Variants in TENM1 observed in about 807,000 individuals in gnomAD.
TENM1 encodes teneurin transmembrane protein 1.
TENM1 carries 35 observed loss-of-function variants against 174.8 expected under a neutral mutation model. The observed-to-expected ratio is 0.20, with a 90% confidence interval of 0.15 to 0.27. The LOEUF (loss-of-function observed/expected upper bound fraction) is 0.27. TENM1 is among the 10% of genes least tolerant of loss of function. The pLI is 1.00. For synonymous variants in TENM1, 781 were observed against 798.7 expected, an observed-to-expected ratio of 0.98 and a Z score of 0.37; for missense variants, 1,633 against 2,130.1, an observed-to-expected ratio of 0.77 and a Z score of 4.59.
intron 23 of TENM1, among the ~76,000 whole-genome samples, chrX:124,444,476 G>A (rs925771728): frequency 1.1e-4 from 12 of 111,823 alleles, no homozygotes; most frequent in Non-Finnish European, 1.3e-4. Context: ...TATTTCTTTA[G>A]CATTTTGCAA....
At chrX:124,860,268 A>C (rs889126795) in intron 3 of TENM1, among the ~76,000 whole-genome samples, 1 of 112,086 alleles carries the variant, frequency 8.9e-6, no homozygotes, top group Non-Finnish European at 1.9e-5. Context: ...TCAACTGAGC[A>C]CTTAACCCAC....
chrX:124,580,456 A>C (rs2049276510), intron 11 of TENM1, among the ~76,000 whole-genome samples: 1 of 109,971 alleles, frequency 9.1e-6, no homozygotes, highest in African/African-American at 3.3e-5. Flanking sequence ...ATATACATGT[A>C]TATATGTATG....
At chrX:124,900,971 T>G (rs2147599737) in intron 1 of TENM1, among the ~76,000 whole-genome samples, 1 of 110,241 alleles carries the variant, frequency 9.1e-6, no homozygotes, top group South Asian at 4.0e-4. Context: ...TTTGTATTTT[T>G]AGTAGAGACG....
chrX:124,931,522 A>G (rs1251047778), intron 1 of TENM1, among the ~76,000 whole-genome samples: 2 of 111,385 alleles, frequency 1.8e-5, no homozygotes, highest in African/African-American at 3.3e-5. Flanking sequence ...AAAACGCCCA[A>G]GAAAAGGGTA....
the TENM1 span, chrX:125,203,660 C>T: frequency 1.8e-5 from 2 of 113,152 alleles, no homozygotes; most frequent in East Asian, 5.7e-4. Context: ...AGAGCGGACT[C>T]AACCGGCCGC....
intron 6 of TENM1, among the ~76,000 whole-genome samples, chrX:124,654,789 C>T (rs2051398616): frequency 9.0e-6 from 1 of 111,289 alleles, no homozygotes; most frequent in African/African-American, 3.3e-5. Flanking sequence ...AAAGGCTAAT[C>T]TTGAGGCAGA....
Position 124,887,750 on chromosome X carries a change from T to C in TENM1, c.535+6546A>G, listed in dbSNP as rs2057413760. On this transcript the variant is annotated intron_variant, in intron 3 of 31. Coordinates refer to ENST00000422452, the Ensembl canonical transcript of TENM1. ...AGTGTAACATCTCCAAAGGAGCTGTTACAGAGTCAACTGCACTGTCTCACA... is the reference window on the plus strand; with the variant it reads ...AGTGTAACATCTCCAAAGGAGCTGTCACAGAGTCAACTGCACTGTCTCACA... Among the ~76,000 whole-genome samples the C allele has an allele frequency of 2.7e-5, 3 of 111,294 alleles. No individual in the cohort carries two copies. The South Asian group carries it at 1.1e-3, about 42-fold the overall frequency.
chrX:124,547,094 G>A lies in TENM1; in HGVS notation c.2435-4C>T. The A allele has an allele frequency of 8.4e-7, 1 of 1,192,522 alleles. No individual in the cohort carries two copies. ...TCCACACAGTCGGTTAAACCATCTGGAAATAAAACCCAAAACCAATATTGA... is the reference window on the plus strand; with the variant it reads ...TCCACACAGTCGGTTAAACCATCTGAAAATAAAACCCAAAACCAATATTGA... On this transcript the variant is annotated splice_region_variant and splice_polypyrimidine_tract_variant and intron_variant, in intron 14 of 31. Coordinates refer to ENST00000422452, the Ensembl canonical transcript of TENM1.
At chrX:124,658,293 T>C (rs2051500399) in intron 6 of TENM1, among the ~76,000 whole-genome samples, 2 of 111,791 alleles carry the variant, frequency 1.8e-5, no homozygotes, top group African/African-American at 3.2e-5. Context: ...TGCTTTTGTA[T>C]CCATTATATT....
intron 11 of TENM1, among the ~76,000 whole-genome samples, chrX:124,568,409 TACTG>T (rs1474501691): frequency 9.0e-6 from 1 of 111,536 alleles, no homozygotes; most frequent in Non-Finnish European, 1.9e-5. Context: ...GACAAAGAAG[TACTG>T]ACTATTGAGT....
At chrX:125,185,950 T>C in the TENM1 span, among the ~76,000 whole-genome samples, 1 of 111,777 alleles carries the variant, frequency 8.9e-6, no homozygotes, top group Non-Finnish European at 1.9e-5. Context: ...AATTTCTTAA[T>C]TATAGAAGAG....
intron 11 of TENM1, among the ~76,000 whole-genome samples, chrX:124,588,639 A>G (rs1175964813): frequency 9.0e-6 from 1 of 110,644 alleles, no homozygotes; most frequent in Non-Finnish European, 1.9e-5. Flanking sequence ...ACATGTATAC[A>G]TATGTAACTA....
At chrX:124,621,757 G>C (rs1380792039) in intron 11 of TENM1, among the ~76,000 whole-genome samples, 2 of 111,698 alleles carry the variant, frequency 1.8e-5, no homozygotes, top group Non-Finnish European at 3.8e-5. Context: ...TGTTGAAAAA[G>C]ATTTCATAAA....
At chrX:125,081,849 A>G in the TENM1 span, among the ~76,000 whole-genome samples, 2 of 111,288 alleles carry the variant, frequency 1.8e-5, no homozygotes, top group African/African-American at 6.5e-5. Context: ...AGCAATATGG[A>G]TGGAACCGGA....
intron 14 of TENM1, among the ~76,000 whole-genome samples, chrX:124,559,222 T>A (rs1162959022): frequency 8.9e-6 from 1 of 112,080 alleles, no homozygotes. Flanking sequence ...AATACATAAC[T>A]GAGAAATTCC....
chrX:124,965,913 C>T (rs999146839), upstream of TENM1, among the ~76,000 whole-genome samples: 25 of 111,494 alleles, frequency 2.2e-4, no homozygotes, highest in Non-Finnish European at 4.5e-4. Context: ...CAAAAGTGAG[C>T]TCTTAATTCC....
At chrX:124,998,468 A>G in the TENM1 span, among the ~76,000 whole-genome samples, 1 of 104,933 alleles carries the variant, frequency 9.5e-6, no homozygotes, top group Non-Finnish European at 1.9e-5. Flanking sequence ...GAAGGTGAAC[A>G]AGTATTTCTA....
intron 4 of TENM1, among the ~76,000 whole-genome samples, chrX:124,734,750 T>G (rs143884648): frequency 0.011 from 1,215 of 111,532 alleles, 9 homozygotes; most frequent in South Asian, 0.025. Flanking sequence ...CTTAGGAGAG[T>G]TGACTAGTCC....
chrX:124,757,161 G>A (rs1295058184), intron 3 of TENM1, among the ~76,000 whole-genome samples: 2 of 112,321 alleles, frequency 1.8e-5, no homozygotes, highest in Admixed American at 9.3e-5. Context: ...TCGAGCTTCC[G>A]GCCTGCTTTG....
Sources: allele counts gnomAD v4.1 joint callset (sites outside exome capture counted in the v4.1 genomes callset), GRCh38; gene constraint gnomAD v4.1.1; transcripts MANE v1.5; gene names NCBI Gene and HGNC (gene_info 2026-07-23, HGNC 2026-07-21).